WASHC2C: variants seen among roughly 807,000 people sequenced by gnomAD.
WASHC2C encodes the protein WASH complex subunit 2C.
A neutral mutation model predicts 142.2 loss-of-function variants in WASHC2C; 73 were observed. The observed-to-expected ratio is 0.51, with a 90% CI of 0.43 to 0.62. WASHC2C has a LOEUF of 0.62. Among genes scored for constraint, WASHC2C ranks in the 20% least tolerant of loss-of-function variants. The probability of loss-of-function intolerance (pLI) is 0.00; values close to 1 mark genes in which losing one functional copy is unlikely to be tolerated. For synonymous variants in WASHC2C, 337 were observed against 565.5 expected (o/e 0.60, Z 5.73); for missense variants, 969 against 1,531.7 (o/e 0.63, Z 6.13).
chr10:45,750,972 A>T, intron 10 of WASHC2C, 134 bp downstream of exon 10: 1 of 903,590 alleles, frequency 1.1e-6, no homozygotes, highest in East Asian at 2.7e-5. Flanking sequence ...CATATAATTT[A>T]AATTGTAGCG....
Position 45,763,706 on chromosome 10 carries a change from G to A in WASHC2C, c.1737+217G>A, listed in dbSNP as rs1157367848. 9.3e-5 allele frequency among the ~76,000 whole-genome samples: 14 copies of A among 151,110 alleles called. No individual in the cohort carries two copies. In the East Asian group the frequency reaches 1.4e-3, roughly 15 times the overall value. On this transcript the variant is annotated intron_variant, in intron 18 of 30. Coordinates refer to ENST00000623400, the MANE Select transcript of WASHC2C (RefSeq NM_001330074.2). ...ATGGAGAAGACATTAGATTCTTGAC[G>A]CAGTTCTTTTTTTTTTTTTTTCCGA...
chr10:45,758,877 T>A (rs2054675876), intron 16 of WASHC2C, among the ~76,000 whole-genome samples: 1 of 149,220 alleles, frequency 6.7e-6, no homozygotes, highest in South Asian at 2.1e-4. Flanking sequence ...CAGCAGTCTT[T>A]AAGCCCTTCT....
intron 18 of WASHC2C, among the ~76,000 whole-genome samples, chr10:45,764,590 G>C (rs2055560551): frequency 6.6e-6 from 1 of 151,280 alleles, no homozygotes; most frequent in East Asian, 1.9e-4. Flanking sequence ...AAATAAGAGA[G>C]AAGACAACCC....
chr10:45,738,744 GC>G lies in WASHC2C; in HGVS notation c.354+702del, dbSNP rs536612148. 4.4e-3 allele frequency among the ~76,000 whole-genome samples: 668 copies of G among 152,076 alleles called. 9 individuals carry two copies. Among genetic ancestry groups the G allele is most frequent in the African/African-American group, 0.014 (584 of 41,472 alleles). On this transcript the variant is annotated intron_variant, in intron 4 of 30. Transcript: ENST00000623400. ...TTTTGAGATGGAGTCTCACTCTGTT[GC>G]CCAGGCTGGAGTGCAGTGGCACGAT...
chr10:45,749,766 C>T (rs576579380), intron 8 of WASHC2C, among the ~76,000 whole-genome samples: 1 of 144,804 alleles, frequency 6.9e-6, no homozygotes, highest in East Asian at 2.0e-4. Context: ...GCAGAGGTTT[C>T]AGTGAGCCGA....
At chr10:45,741,569 T>G (rs1189976137) in intron 5 of WASHC2C, among the ~76,000 whole-genome samples, 1 of 152,336 alleles carries the variant, frequency 6.6e-6, no homozygotes, top group African/African-American at 2.4e-5. Flanking sequence ...TAACGCTGTC[T>G]TTGCCTTATG....
At chr10:45,769,422 G>C (rs1554883750) in intron 19 of WASHC2C, 27 bp from the exon 20 acceptor site, 1 of 1,599,494 alleles carries the variant, frequency 6.3e-7, no homozygotes, top group Admixed American at 1.7e-5. Flanking sequence ...CTGGCCTGGA[G>C]TTTTAATATA....
At chr10:45,752,321 T>A (rs2053700344) in intron 11 of WASHC2C, among the ~76,000 whole-genome samples, 1 of 152,304 alleles carries the variant, frequency 6.6e-6, no homozygotes, top group South Asian at 2.1e-4. Flanking sequence ...AGAGTAAATC[T>A]AGATCCAGGG....
chr10:45,727,244 G>A, upstream of WASHC2C: 4 of 1,530,552 alleles, frequency 2.6e-6, no homozygotes, highest in Non-Finnish European at 3.5e-6. Context: ...GCTTGGCTGG[G>A]GCTAGGCTTC....
Position 45,728,927 on chromosome 10 carries a change from A to G in WASHC2C, c.192A>G (p.Gln64=). The change falls in exon 3 of 31, where the codon CAA becomes CAG. Residue 64 remains glutamine (Q), a synonymous_variant. Coordinates refer to ENST00000623400, the MANE Select transcript of WASHC2C (RefSeq NM_001330074.2). ...TISRTHEIKK[Q]VDGLIRETKA... ...CTAGGACCCATGAAATCAAGAAACA[A>G]GTGGACGGACTAATCCGGGAAACCA... 2 of 1,613,948 alleles carry G rather than the reference A, an allele frequency of 1.2e-6. No homozygotes were observed. Among genetic ancestry groups the G allele is most frequent in the Non-Finnish European group, 8.5e-7 (1 of 1,179,834 alleles).
intron 30 of WASHC2C, among the ~76,000 whole-genome samples, chr10:45,791,580 T>G (rs1353641939): frequency 1.4e-5 from 2 of 146,190 alleles, no homozygotes; most frequent in Non-Finnish European, 3.0e-5. Context: ...GTGCACGATT[T>G]CTTTATATTT....
rs2610441 is a variant in WASHC2C, at chr10:45,752,770, T to A, written c.1122+64T>A. The A allele has an allele frequency of 1.1e-3, 1,253 of 1,125,772 alleles. 2 individuals carry two copies. Among genetic ancestry groups the A allele is most frequent in the Admixed American group, 2.3e-3 (98 of 42,244 alleles). 69.7% of individuals were successfully genotyped at this position (1,125,772 alleles called of 1,614,324 possible). Reference sequence around the variant, plus strand: ...CTGTGTCAGGGGTCCACAGGGAAGATATAGGCTTTGCTTGTTTAGTGGGGG... The same window carrying A: ...CTGTGTCAGGGGTCCACAGGGAAGAAATAGGCTTTGCTTGTTTAGTGGGGG... On this transcript the variant is annotated intron_variant, in intron 12 of 30. Transcript: ENST00000623400.
At chr10:45,767,254 C>T (rs1453393230) in intron 19 of WASHC2C, among the ~76,000 whole-genome samples, 2 of 148,898 alleles carry the variant, frequency 1.3e-5, no homozygotes, top group East Asian at 2.0e-4. Flanking sequence ...GGGCAACGAG[C>T]GAAACTCCGT....
Position 45,727,503 on chromosome 10 carries a change from G to A in WASHC2C, c.90G>A (p.Arg30=). 6.2e-7 allele frequency: 1 copy of A among 1,602,158 alleles called. No homozygotes were observed. The highest frequency in any genetic ancestry group is 1.1e-5 in the South Asian group (1 of 90,032). The change falls in exon 2 of 31, where the codon AGG becomes AGA. Residue 30 remains arginine, a synonymous_variant. Transcript: ENST00000623400. ...ERPWSVEEIR[R]SSQSWSLAAD... ...CGTGGTCGGTGGAGGAGATCCGCAG[G>A]AGCAGCCAGAGCTGGTCGCTGGCGG...
intron 3 of WASHC2C, among the ~76,000 whole-genome samples, chr10:45,733,632 A>G (rs1413221201): frequency 1.3e-5 from 2 of 152,224 alleles, no homozygotes; most frequent in Non-Finnish European, 1.5e-5. Context: ...AAAAGATCCC[A>G]TGGGCTTTAG....
intron 8 of WASHC2C, among the ~76,000 whole-genome samples, chr10:45,747,556 A>G (rs1462155233): frequency 4.6e-5 from 7 of 152,124 alleles, no homozygotes; most frequent in Non-Finnish European, 8.8e-5. Flanking sequence ...GTTTATTTCT[A>G]GAGTTGTATT....
At position 45,746,581 on chromosome 10, in the gene WASHC2C, C is replaced by G. The variant is rs1433575395; in HGVS notation, c.685-19C>G. 7.4e-6 allele frequency: 12 copies of G among 1,612,924 alleles called. No individual in the cohort carries two copies. The highest frequency in any genetic ancestry group is 3.3e-5 in the Admixed American group (2 of 59,948). ...AAGTAAAGCCCATTTAACAACAAAG[C>G]CTTTTCTTACCCATAAAGGAGTCAG... On this transcript the variant is annotated intron_variant, in intron 7 of 30. Coordinates refer to ENST00000623400, the MANE Select transcript of WASHC2C (RefSeq NM_001330074.2).
chr10:45,752,457 C>G, intron 11 of WASHC2C, 131 bp from the exon 12 acceptor site: 1 of 751,300 alleles, frequency 1.3e-6, no homozygotes, highest in South Asian at 1.6e-5. Context: ...CATCAGACTG[C>G]CTCACACTTT....
intron 20 of WASHC2C, among the ~76,000 whole-genome samples, chr10:45,772,753 A>C (rs1270004722): frequency 2.4e-4 from 37 of 152,216 alleles, no homozygotes; most frequent in Non-Finnish European, 4.3e-4. Context: ...AGTAAATACA[A>C]GGTGAATTTT....
Sources: gnomAD v4.1 joint callset for allele counts (sites outside exome capture counted in the v4.1 genomes callset) on GRCh38, gnomAD v4.1.1 for gene constraint, MANE v1.5 for transcripts, NCBI Gene and HGNC (gene_info 2026-07-23, HGNC 2026-07-21) for gene names.